MAML3: variants seen among roughly 807,000 people sequenced by gnomAD.
MAML3 encodes the protein mastermind-like protein 3.
A neutral mutation model predicts 101.9 loss-of-function variants in MAML3; 27 were observed. The observed-to-expected ratio is 0.27, with a 90% CI of 0.20 to 0.37. MAML3 has a LOEUF of 0.37. Ranked by LOEUF, MAML3 falls within the 10% of genes least tolerant of loss-of-function variation. MAML3 has a pLI of 1.00. For missense variants in MAML3, 1,316 were observed against 1,444.9 expected (o/e 0.91, Z 1.45); for synonymous variants, 501 against 555.9 (o/e 0.90, Z 1.39).
chr4:139,973,460 G>A (rs1310244762), intron 1 of MAML3, among the ~76,000 whole-genome samples: 4 of 152,198 alleles, frequency 2.6e-5, no homozygotes, highest in Non-Finnish European at 4.4e-5. Flanking sequence ...GTTTGGGCGG[G>A]TCTACGTCGT....
intron 2 of MAML3, among the ~76,000 whole-genome samples, chr4:139,802,205 A>G (rs183917211): frequency 8.9e-4 from 135 of 152,282 alleles, no homozygotes; most frequent in African/African-American, 2.9e-3. Flanking sequence ...AAGATATCCT[A>G]TAACTGGGAC....
intron 2 of MAML3, chr4:139,888,512 A>T (rs1447884133): frequency 7.7e-6 from 4 of 518,752 alleles, no homozygotes; most frequent in Non-Finnish European, 1.5e-5. Flanking sequence ...CAAATGTTAT[A>T]TTAAAGGAGC....
chr4:139,910,536 CTATTA>C (rs1409731538), intron 1 of MAML3, among the ~76,000 whole-genome samples: 2 of 152,180 alleles, frequency 1.3e-5, no homozygotes, highest in East Asian at 1.9e-4. Flanking sequence ...CAACTAGTGG[CTATTA>C]TATTGGACAG....
intron 1 of MAML3, among the ~76,000 whole-genome samples, chr4:139,912,779 A>C (rs944074167): frequency 6.6e-6 from 1 of 152,236 alleles, no homozygotes; most frequent in Non-Finnish European, 1.5e-5. Flanking sequence ...AACCAAGAAG[A>C]GTTAAGGAAG....
At chr4:139,989,120 C>T (rs545481577) in intron 1 of MAML3, among the ~76,000 whole-genome samples, 2 of 152,190 alleles carry the variant, frequency 1.3e-5, no homozygotes, top group South Asian at 2.1e-4. Flanking sequence ...CGAGAGCACA[C>T]TCCAGAGACA....
At chr4:140,039,955 G>A (rs185409696) in intron 1 of MAML3, among the ~76,000 whole-genome samples, 1 of 152,116 alleles carries the variant, frequency 6.6e-6, no homozygotes, top group Non-Finnish European at 1.5e-5. Flanking sequence ...GGCAAACAAC[G>A]CACACTCACA....
chr4:139,804,743 T>C (rs920734884), intron 2 of MAML3, among the ~76,000 whole-genome samples: 1 of 152,036 alleles, frequency 6.6e-6, no homozygotes. Flanking sequence ...AGTAGGACAC[T>C]ATTTACATTT....
chr4:139,836,641 T>C (rs533978968), intron 2 of MAML3, among the ~76,000 whole-genome samples: 42 of 152,148 alleles, frequency 2.8e-4, no homozygotes, highest in African/African-American at 9.9e-4. Context: ...TTTGATAGAA[T>C]GGCGAGGGGC....
At chr4:139,768,660 A>T (rs906072434) in intron 2 of MAML3, among the ~76,000 whole-genome samples, 2 of 152,094 alleles carry the variant, frequency 1.3e-5, no homozygotes, top group Admixed American at 6.5e-5. Context: ...TCCTGCTGCT[A>T]CTCTTAGTAC....
chr4:139,798,000 AAAAG>A (rs1393986959), intron 2 of MAML3, among the ~76,000 whole-genome samples: 8 of 151,030 alleles, frequency 5.3e-5, no homozygotes, highest in African/African-American at 1.2e-4. Context: ...ACTTAAGAAA[AAAAG>A]AAAGAAAGGA....
intron 1 of MAML3, among the ~76,000 whole-genome samples, chr4:139,960,992 GCT>G (rs765053406): frequency 6.6e-6 from 1 of 152,180 alleles, no homozygotes; most frequent in Non-Finnish European, 1.5e-5. Flanking sequence ...CCAGGAGATA[GCT>G]CTGTTGGGTG....
At chr4:140,111,111 T>G (rs570531295) in intron 1 of MAML3, among the ~76,000 whole-genome samples, 1 of 152,360 alleles carries the variant, frequency 6.6e-6, no homozygotes, top group South Asian at 2.1e-4. Context: ...ACACTACCTA[T>G]GCTATGTATT....
At chr4:139,756,578 G>T (rs1175988262) in intron 2 of MAML3, among the ~76,000 whole-genome samples, 1 of 152,140 alleles carries the variant, frequency 6.6e-6, no homozygotes, top group African/African-American at 2.4e-5. Flanking sequence ...TGGAGAAGTT[G>T]GTGTGCAAAT....
chr4:140,028,570 CTATT>C (rs1264653510), intron 1 of MAML3, among the ~76,000 whole-genome samples: 7 of 151,982 alleles, frequency 4.6e-5, no homozygotes, highest in Non-Finnish European at 8.8e-5. Flanking sequence ...AAGATCTTGC[CTATT>C]TATTTGTTTT....
chr4:140,049,461 T>C (rs1177758861), intron 1 of MAML3, among the ~76,000 whole-genome samples: 2 of 152,102 alleles, frequency 1.3e-5, no homozygotes, highest in South Asian at 4.2e-4. Flanking sequence ...TCAGCAAGTG[T>C]GCGGATGGTT....
At chr4:139,755,506 G>A (rs1427561971) in intron 2 of MAML3, among the ~76,000 whole-genome samples, 1 of 152,214 alleles carries the variant, frequency 6.6e-6, no homozygotes, top group Non-Finnish European at 1.5e-5. Flanking sequence ...TACATGGGAG[G>A]CTGAGGCAGG....
intron 1 of MAML3, among the ~76,000 whole-genome samples, chr4:139,961,583 G>A (rs1386042905): frequency 6.6e-6 from 1 of 152,094 alleles, no homozygotes; most frequent in East Asian, 1.9e-4. Flanking sequence ...GATGTGCCTG[G>A]ATTTCTAGTT....
chr4:140,105,866 G>A (rs1728342114), intron 1 of MAML3, among the ~76,000 whole-genome samples: 1 of 151,830 alleles, frequency 6.6e-6, no homozygotes, highest in African/African-American at 2.4e-5. Context: ...AAATAACTAG[G>A]AGAAAACATT....
At position 140,120,266 on chromosome 4, in the gene MAML3, A is replaced by C. The variant is rs537897974; in HGVS notation, c.468+32594T>G. ...AAAAAAAAAAAAAAAAGCTAACCAA[A>C]GTGTGACACCTACAATGTGAATCTG... On this transcript the variant is annotated intron_variant, in intron 1 of 4. Coordinates refer to ENST00000509479, the MANE Select transcript of MAML3 (RefSeq NM_018717.5). 1.3e-4 allele frequency among the ~76,000 whole-genome samples: 20 copies of C among 150,878 alleles called. No homozygotes were observed. The East Asian group carries it at 3.9e-3, about 29-fold the overall frequency.
Sources: allele counts gnomAD v4.1 joint callset (sites outside exome capture counted in the v4.1 genomes callset), GRCh38; gene constraint gnomAD v4.1.1; transcripts MANE v1.5; gene names NCBI Gene and HGNC (gene_info 2026-07-23, HGNC 2026-07-21).